Variants in PCDHA1 observed in about 807,000 individuals in gnomAD.
PCDHA1 encodes the protein protocadherin alpha 1, also known as protocadherin alpha-1.
PCDHA1 carries 42 observed loss-of-function variants against 61.3 expected under a neutral mutation model. The observed-to-expected ratio is 0.69, with a 90% CI of 0.54 to 0.89. The LOEUF (loss-of-function observed/expected upper bound fraction) is 0.89. Among genes scored for constraint, PCDHA1 ranks in the 40% least tolerant of loss-of-function variants. PCDHA1 has a pLI of 0.00. For missense variants in PCDHA1, 1,256 were observed against 1,235.3 expected (o/e 1.02, Z -0.25); for synonymous variants, 610 against 553.8 (o/e 1.10, Z -1.43).
At position 140,899,599 on chromosome 5, in the gene PCDHA1, C is replaced by T. The variant is rs535938234; in HGVS notation, c.2395-79350C>T. Among the ~76,000 whole-genome samples the T allele has an allele frequency of 8.0e-3, 1,213 of 152,222 alleles. 6 individuals carry two copies. Among genetic ancestry groups the T allele is most frequent in the African/African-American group, 0.019 (784 of 41,538 alleles). ...CGGTTTGCCAGTATTTTATTGAGGA[C>T]TTTTGCATCAATGTTCATCAAGGAT... On this transcript the variant is annotated intron_variant, in intron 1 of 3. Coordinates refer to ENST00000504120, the MANE Select transcript of PCDHA1 (RefSeq NM_018900.4).
In PCDHA1 at chr5:140,795,945, C is replaced by T. The variant is rs141546686; in HGVS notation, c.2394+7261C>T. 25 of 1,613,668 alleles carry T rather than the reference C, an allele frequency of 1.5e-5. No individual in the cohort carries two copies. The African/African-American group carries it at 2.8e-4, about 18-fold the overall frequency. ...AGGTCACTGCAACTGACAAAGGAAC[C>T]CCTTCAATGTCAGGACATTGTAAAA... On this transcript the variant is annotated intron_variant, in intron 1 of 3. Coordinates refer to ENST00000504120, the MANE Select transcript of PCDHA1 (RefSeq NM_018900.4).
intron 1 of PCDHA1, among the ~76,000 whole-genome samples, chr5:140,923,645 C>T (rs939799750): frequency 1.1e-4 from 17 of 152,126 alleles, no homozygotes; most frequent in African/African-American, 4.1e-4. Context: ...AATCTTTAGC[C>T]TCCCTTATCT....
rs140655975 is a variant in PCDHA1, at chr5:140,796,797, T to G, written c.2394+8113T>G. On this transcript the variant is annotated intron_variant, in intron 1 of 3. Coordinates refer to ENST00000504120, the MANE Select transcript of PCDHA1 (RefSeq NM_018900.4). ...ACAACGCGTGGCTTTCGTACGAGCT[T>G]CAGCTGGGTACTGGCAGCGCTCGCA... 319 of 1,614,086 alleles carry G rather than the reference T, an allele frequency of 2.0e-4. 1 individual carries two copies. The African/African-American group carries it at 3.7e-3, about 18-fold the overall frequency.
intron 1 of PCDHA1, among the ~76,000 whole-genome samples, chr5:140,974,980 G>C (rs149148015): frequency 6.6e-6 from 1 of 152,090 alleles, no homozygotes; most frequent in African/African-American, 2.4e-5. Flanking sequence ...TGAGTTGTCC[G>C]CTCAGGTATT....
chr5:140,901,263 G>A (rs967047702), intron 1 of PCDHA1, among the ~76,000 whole-genome samples: 1 of 151,938 alleles, frequency 6.6e-6, no homozygotes, highest in Admixed American at 6.6e-5. Flanking sequence ...GTGATTGTGG[G>A]GTATTACTCA....
Position 140,822,123 on chromosome 5 carries a change from C to T in PCDHA1, c.2394+33439C>T, listed in dbSNP as rs2150113831. On this transcript the variant is annotated intron_variant, in intron 1 of 3. Transcript: ENST00000504120. The stretch of plus-strand genomic sequence containing the variant: ...TCGTGGACAGGCCGCTGCAGGTTTT[C>T]CATGTGGAGGTGGCAGTGAAGGACA... The T allele has an allele frequency of 7.4e-6, 12 of 1,614,116 alleles. 1 individual carries two copies. In the Middle Eastern group the frequency reaches 1.2e-3, roughly 155 times the overall value.
At chr5:140,796,319 C>T (rs1195907672) in intron 1 of PCDHA1, 4 of 1,613,960 alleles carry the variant, frequency 2.5e-6, no homozygotes, top group Non-Finnish European at 3.4e-6. Context: ...AACGACAACG[C>T]GCCGGCGTTC....
At chr5:140,933,221 G>T (rs952837794) in intron 1 of PCDHA1, among the ~76,000 whole-genome samples, 1 of 151,758 alleles carries the variant, frequency 6.6e-6, no homozygotes, top group Non-Finnish European at 1.5e-5. Flanking sequence ...CTGTTATATT[G>T]CATTTATGAA....
intron 1 of PCDHA1, among the ~76,000 whole-genome samples, chr5:140,943,363 T>C (rs1192531762): frequency 2.0e-5 from 3 of 148,712 alleles, no homozygotes; most frequent in Non-Finnish European, 4.5e-5. Flanking sequence ...GGAAAGGAGA[T>C]CATTAAAATA....
chr5:140,871,092 C>A (rs575877743), intron 1 of PCDHA1: 2 of 1,613,142 alleles, frequency 1.2e-6, no homozygotes, highest in Admixed American at 1.7e-5. Flanking sequence ...CCACGGCCAC[C>A]GTGCTGGTGT....
At chr5:140,968,817 T>C in intron 1 of PCDHA1, 2 of 1,614,110 alleles carry the variant, frequency 1.2e-6, no homozygotes, top group Middle Eastern at 3.3e-4. Flanking sequence ...GTGGATAGGG[T>C]TTCCAAAATC....
intron 1 of PCDHA1, chr5:140,843,069 G>A (rs2150351711): frequency 5.6e-6 from 9 of 1,595,200 alleles, no homozygotes; most frequent in Admixed American, 1.7e-5. Flanking sequence ...CTGGTGCCGC[G>A]GTCTGTGGGC....
intron 1 of PCDHA1, among the ~76,000 whole-genome samples, chr5:140,894,303 A>G (rs1386163832): frequency 2.0e-5 from 3 of 151,922 alleles, no homozygotes; most frequent in Admixed American, 6.6e-5. Context: ...TTTCCTGGAA[A>G]GTTTTCTTAA....
chr5:140,843,455 G>C, intron 1 of PCDHA1: 1 of 1,596,110 alleles, frequency 6.3e-7, no homozygotes, highest in Non-Finnish European at 8.6e-7. Context: ...CAGCCTGCTG[G>C]TGCTCACGCT....
rs2150445879 is a variant in PCDHA1 at position 140,849,707 on chromosome 5, C to G, written c.2394+61023C>G. Reference sequence around the variant, plus strand: ...AGCTGGTGTCCACCTACAAGAATTACTACTCGTTGGTGCTGGACAGAGCTC... The same window carrying G: ...AGCTGGTGTCCACCTACAAGAATTAGTACTCGTTGGTGCTGGACAGAGCTC... On this transcript the variant is annotated intron_variant, in intron 1 of 3. Coordinates refer to ENST00000504120, the MANE Select transcript of PCDHA1 (RefSeq NM_018900.4). The G allele has an allele frequency of 3.1e-6, 5 of 1,598,540 alleles. No homozygotes were observed. The South Asian group carries it at 3.3e-5, about 11-fold the overall frequency.
At chr5:140,927,146 A>T (rs2083897470) in intron 1 of PCDHA1, 1 of 1,614,156 alleles carries the variant, frequency 6.2e-7, no homozygotes, top group East Asian at 2.2e-5. Context: ...GACCGCGAAC[A>T]GCTGTGCAGG....
rs2150112060 is a variant in PCDHA1, at chr5:140,821,924, A to T, written c.2394+33240A>T. On this transcript the variant is annotated intron_variant, in intron 1 of 3. Transcript: ENST00000504120. ...ACCTTCGTTGGCCGCATCGCGCAGG[A>T]CCTAGGGCTGGAGCTGGCGGAGCTG... 7 of 1,614,172 alleles carry T rather than the reference A, an allele frequency of 4.3e-6. No individual in the cohort carries two copies. In the Admixed American group the frequency reaches 1.2e-4, roughly 27 times the overall value.
chr5:140,849,588 C>A (rs2150441639), intron 1 of PCDHA1: 12 of 1,598,674 alleles, frequency 7.5e-6, no homozygotes, highest in Non-Finnish European at 1.0e-5. Flanking sequence ...GGACGCACAA[C>A]TGGGGACAGT....
chr5:140,834,409 C>T (rs2150217049), intron 1 of PCDHA1: 3 of 1,610,410 alleles, frequency 1.9e-6, no homozygotes, highest in African/African-American at 2.7e-5. Context: ...GGATACGACC[C>T]AGGGGGCCGA....
Sources: allele counts gnomAD v4.1 joint callset (sites outside exome capture counted in the v4.1 genomes callset), GRCh38; gene constraint gnomAD v4.1.1; transcripts MANE v1.5; gene names NCBI Gene and HGNC (gene_info 2026-07-23, HGNC 2026-07-21).